The following GREB1 variants were observed in gnomAD, a reference collection of about 807,000 sequenced individuals.
The protein encoded by GREB1 is protein GREB1.
Under a neutral mutation model 200.7 loss-of-function variants are expected in GREB1, and 106 were observed. The ratio of observed to expected loss-of-function variants is 0.53; its 90% confidence interval spans 0.45 to 0.62. The LOEUF is 0.62. Ranked by LOEUF, GREB1 falls within the 20% of genes least tolerant of loss-of-function variation. The probability of loss-of-function intolerance (pLI) is 0.00; values close to 1 mark genes in which losing one functional copy is unlikely to be tolerated. For synonymous variants in GREB1, 1,132 were observed against 1,092.4 expected (o/e 1.04, Z -0.72); for missense variants, 2,243 against 2,556.8 (o/e 0.88, Z 2.65).
intron 4 of GREB1, among the ~76,000 whole-genome samples, chr2:11,573,378 T>C (rs1345144145): frequency 6.6e-6 from 1 of 152,220 alleles, no homozygotes; most frequent in Non-Finnish European, 1.5e-5. Flanking sequence ...GAATTTCGAT[T>C]CTGGATATCC....
intron 1 of GREB1, among the ~76,000 whole-genome samples, chr2:11,490,834 C>T (rs1429078592): frequency 6.6e-6 from 1 of 152,210 alleles, no homozygotes; most frequent in Non-Finnish European, 1.5e-5. Context: ...CAGGGGTGAG[C>T]CACCACACCC....
chr2:11,516,765 A>G (rs1287325807), intron 1 of GREB1, among the ~76,000 whole-genome samples: 1 of 152,172 alleles, frequency 6.6e-6, no homozygotes, highest in Non-Finnish European at 1.5e-5. Context: ...CACCCAAGTT[A>G]CCTAGGAAGC....
chr2:11,634,010 G>A, intron 28 of GREB1, 121 bp from the exon 29 acceptor site: 1 of 915,930 alleles, frequency 1.1e-6, no homozygotes, highest in Non-Finnish European at 1.8e-6. Context: ...GGACTGTGCG[G>A]GGCACCGGCC....
chr2:11,623,016 G>T (rs969338890), intron 23 of GREB1, among the ~76,000 whole-genome samples: 2 of 152,170 alleles, frequency 1.3e-5, no homozygotes, highest in Admixed American at 6.5e-5. Context: ...AGCAGCCCAC[G>T]GACTCAATAA....
At chr2:11,635,918 G>A (rs1572224466) in intron 30 of GREB1, among the ~76,000 whole-genome samples, 2 of 152,340 alleles carry the variant, frequency 1.3e-5, no homozygotes, top group East Asian at 3.9e-4. Flanking sequence ...AAGCAATGCA[G>A]CAGGTGTGTC....
chr2:11,619,262 G>C (rs549701823), intron 22 of GREB1, among the ~76,000 whole-genome samples: 2 of 152,204 alleles, frequency 1.3e-5, no homozygotes, highest in African/African-American at 4.8e-5. Flanking sequence ...CCACTGGAAG[G>C]TTTCGGTGAA....
At chr2:11,559,559 G>A (rs562310422) in intron 2 of GREB1, among the ~76,000 whole-genome samples, 3 of 152,270 alleles carry the variant, frequency 2.0e-5, no homozygotes, top group African/African-American at 7.2e-5. Context: ...GCGGGCCTTG[G>A]GGGCTGCTGG....
At chr2:11,598,556 G>A (rs2148224977) in intron 14 of GREB1, 124 bp from the exon 15 acceptor site, 1 of 841,488 alleles carries the variant, frequency 1.2e-6, no homozygotes, top group South Asian at 1.6e-5. Context: ...TCCTTTCCCT[G>A]CTCTTGCATC....
At position 11,580,524 on chromosome 2, in the gene GREB1, A is replaced by G. The variant is rs755104198; in HGVS notation, c.773-180A>G. 8.6e-5 allele frequency among the ~76,000 whole-genome samples: 13 copies of G among 152,008 alleles called. No homozygotes were observed. The highest frequency in any genetic ancestry group is 1.5e-4 in the Non-Finnish European group (10 of 68,006). On this transcript the variant is annotated intron_variant, in intron 6 of 32. Coordinates refer to ENST00000381486, the MANE Select transcript of GREB1 (RefSeq NM_014668.4). The surrounding 1 kb of genome is among the most constrained non-coding windows in gnomAD (Gnocchi z 4.5). The stretch of plus-strand genomic sequence containing the variant: ...TGCATGGGGGTGTGTGTGTGTATGC[A>G]TGTGTCTGCATGTATCTTCTCAGTG...
At chr2:11,624,698 A>G (rs1000943888) in intron 23 of GREB1, among the ~76,000 whole-genome samples, 15 of 152,366 alleles carry the variant, frequency 9.8e-5, no homozygotes, top group African/African-American at 3.6e-4. Flanking sequence ...ATTTAGTGCA[A>G]TAACTTGCTG....
In GREB1 at chr2:11,598,790, C is replaced by A; in HGVS notation, c.2263C>A (p.Gln755Lys). The change falls in exon 15 of 33, where the codon CAA (glutamine) becomes AAA (lysine). Residue 755 changes from glutamine to lysine, a missense_variant. Coordinates refer to ENST00000381486, the MANE Select transcript of GREB1 (RefSeq NM_014668.4). ...EAQTKFKAFLQNSFQNPHTLF... is the reference protein window; with the variant it reads ...EAQTKFKAFLKNSFQNPHTLF... The stretch of plus-strand genomic sequence containing the variant: ...ACAGACAAAATTTAAGGCTTTTCTG[C>A]AAAACTCCTTCCAGAACCCGCATAC... 1 of 1,614,124 alleles carries A rather than the reference C, an allele frequency of 6.2e-7. No homozygotes were observed. The highest frequency in any genetic ancestry group is 2.2e-5 in the East Asian group (1 of 44,886).
chr2:11,588,001 A>G (rs562730264), intron 9 of GREB1: 3 of 894,610 alleles, frequency 3.4e-6, no homozygotes, highest in African/African-American at 3.6e-5. Flanking sequence ...CGAGGCGGGT[A>G]GATCACTTTA....
intron 1 of GREB1, among the ~76,000 whole-genome samples, chr2:11,511,873 G>T (rs1340484195): frequency 6.6e-6 from 1 of 152,160 alleles, no homozygotes; most frequent in Non-Finnish European, 1.5e-5. Flanking sequence ...CACCTCGGAT[G>T]CCTGGCCCAG....
rs548851494 is a variant in GREB1 at position 11,557,939 on chromosome 2, T to C, written c.157+1168T>C. Among the ~76,000 whole-genome samples the C allele has an allele frequency of 3.3e-5, 5 of 152,338 alleles. No individual in the cohort carries two copies. The East Asian group carries it at 5.8e-4, about 18-fold the overall frequency. On this transcript the variant is annotated intron_variant, in intron 2 of 32. Coordinates refer to ENST00000381486, the MANE Select transcript of GREB1 (RefSeq NM_014668.4). The stretch of plus-strand genomic sequence containing the variant: ...TATTTTATGGACTGTTTTTGGCCAG[T>C]TGAAAGACTTTGGTGGAATATGAAT...
rs964362451 is a variant in GREB1, at chr2:11,580,235, C to G, written c.773-469C>G. 6.6e-6 allele frequency among the ~76,000 whole-genome samples: 1 copy of G among 152,078 alleles called. No individual in the cohort carries two copies. The highest frequency in any genetic ancestry group is 1.5e-5 in the Non-Finnish European group (1 of 68,008). On this transcript the variant is annotated intron_variant, in intron 6 of 32. Coordinates refer to ENST00000381486, the MANE Select transcript of GREB1 (RefSeq NM_014668.4). This position sits in a 1 kb window ranked among gnomAD's most constrained non-coding sequence, Gnocchi z 4.5. The stretch of plus-strand genomic sequence containing the variant: ...GCTGCAATTCAAAGTGGAATTTGGG[C>G]GGGGACACAGCCAAACCGTATCAAC...
At chr2:11,639,882 G>C (rs1162588548) in intron 32 of GREB1, among the ~76,000 whole-genome samples, 2 of 152,246 alleles carry the variant, frequency 1.3e-5, no homozygotes, top group Admixed American at 1.3e-4. Flanking sequence ...TGGCTGGCAC[G>C]TGGGACAGTG....
At chr2:11,552,364 G>A (rs1269896208) in intron 1 of GREB1, among the ~76,000 whole-genome samples, 1 of 152,172 alleles carries the variant, frequency 6.6e-6, no homozygotes, top group Admixed American at 6.5e-5. Flanking sequence ...AAGAGACCAC[G>A]GACAGAGAAC....
chr2:11,585,696 A>T (rs1279699842), intron 8 of GREB1, 66 bp from the exon 9 acceptor site: 2 of 1,578,442 alleles, frequency 1.3e-6, no homozygotes, highest in Non-Finnish European at 1.7e-6. Flanking sequence ...GGCTGGCCTG[A>T]TGTCAGGTAT....
chr2:11,630,667 A>G (rs894216117), intron 26 of GREB1, among the ~76,000 whole-genome samples: 4 of 152,180 alleles, frequency 2.6e-5, no homozygotes, highest in African/African-American at 4.8e-5. Context: ...ACCTCAAATC[A>G]TGTCATCTAT....
Sources: allele counts gnomAD v4.1 joint callset (sites outside exome capture counted in the v4.1 genomes callset), GRCh38; gene constraint gnomAD v4.1.1; non-coding constraint Gnocchi (gnomAD v3.1); transcripts MANE v1.5; gene names NCBI Gene and HGNC (gene_info 2026-07-23, HGNC 2026-07-21).